GPATCH2: variants seen among roughly 807,000 people sequenced by gnomAD.
GPATCH2 encodes G patch domain-containing protein 2.
Under a neutral mutation model 58.0 loss-of-function variants are expected in GPATCH2, and 51 were observed. The observed-to-expected ratio is 0.88, with a 90% CI of 0.70 to 1.11. GPATCH2 has a LOEUF of 1.11. Among genes scored for constraint, GPATCH2 ranks in the 50% most tolerant of loss-of-function variants. The pLI, the probability that GPATCH2 is intolerant of heterozygous loss-of-function variation, is 0.00. For synonymous variants in GPATCH2, 222 were observed against 218.5 expected (o/e 1.02, Z -0.14); for missense variants, 625 against 652.2 (o/e 0.96, Z 0.45).
chr1:217,523,771 C>T (rs1461103482), intron 5 of GPATCH2, among the ~76,000 whole-genome samples: 2 of 147,662 alleles, frequency 1.4e-5, no homozygotes, highest in East Asian at 2.1e-4. Context: ...CGCCCCTCAC[C>T]TCCCGGACGG....
chr1:217,556,388 A>C (rs1420204348), intron 5 of GPATCH2, among the ~76,000 whole-genome samples: 3 of 152,204 alleles, frequency 2.0e-5, no homozygotes, highest in Non-Finnish European at 4.4e-5. Flanking sequence ...ATTAGTTGTT[A>C]CCACTGGTGT....
At chr1:217,616,447 C>T (rs1023952782) in intron 2 of GPATCH2, among the ~76,000 whole-genome samples, 1 of 152,152 alleles carries the variant, frequency 6.6e-6, no homozygotes, top group Non-Finnish European at 1.5e-5. Flanking sequence ...TCCCTCTCCA[C>T]CTGTCCAAGC....
chr1:217,481,700 TA>T (rs1661219289), intron 8 of GPATCH2, among the ~76,000 whole-genome samples: 1 of 151,800 alleles, frequency 6.6e-6, no homozygotes, highest in African/African-American at 2.4e-5. Flanking sequence ...CTACAAAAAA[TA>T]AAAAAATTAG....
chr1:217,530,089 G>C (rs998823734), intron 5 of GPATCH2, among the ~76,000 whole-genome samples: 2 of 152,184 alleles, frequency 1.3e-5, no homozygotes, highest in African/African-American at 4.8e-5. Flanking sequence ...AAGTAATATG[G>C]AGTCCTAGCA....
At chr1:217,515,157 G>A (rs1210002190) in intron 5 of GPATCH2, among the ~76,000 whole-genome samples, 3 of 150,608 alleles carry the variant, frequency 2.0e-5, no homozygotes, top group South Asian at 2.1e-4. Flanking sequence ...GTGCAGCAGC[G>A]CGATCTCGGC....
chr1:217,493,423 T>C (rs973274037), intron 7 of GPATCH2, among the ~76,000 whole-genome samples: 2 of 152,116 alleles, frequency 1.3e-5, no homozygotes, highest in African/African-American at 4.8e-5. Context: ...ATGCTGTTGC[T>C]CATCTCTGGC....
At chr1:217,463,396 G>A (rs141504212) in intron 8 of GPATCH2, among the ~76,000 whole-genome samples, 38 of 152,084 alleles carry the variant, frequency 2.5e-4, no homozygotes, top group South Asian at 1.5e-3. Context: ...CTGGTATATC[G>A]CATTCAAGGT....
chr1:217,530,688 G>A (rs1444564161), intron 5 of GPATCH2, among the ~76,000 whole-genome samples: 1 of 152,030 alleles, frequency 6.6e-6, no homozygotes, highest in Non-Finnish European at 1.5e-5. Flanking sequence ...CAGAAGTGCA[G>A]ATACATATTT....
chr1:217,603,044 T>C (rs1256977175), intron 5 of GPATCH2, among the ~76,000 whole-genome samples: 4 of 152,156 alleles, frequency 2.6e-5, no homozygotes, highest in Non-Finnish European at 5.9e-5. Flanking sequence ...ATATTATAGA[T>C]ATGTTAATAA....
intron 5 of GPATCH2, among the ~76,000 whole-genome samples, chr1:217,547,567 G>A (rs878930840): frequency 6.6e-6 from 1 of 152,140 alleles, no homozygotes; most frequent in African/African-American, 2.4e-5. Context: ...AAAGACACAT[G>A]CATGCGTATG....
intron 8 of GPATCH2, among the ~76,000 whole-genome samples, chr1:217,487,052 T>TTGTATTTCATATTTTATTCTCCC (rs1170846236): frequency 6.6e-6 from 1 of 152,200 alleles, no homozygotes; most frequent in East Asian, 1.9e-4. Context: ...CAGTACAGAA[T>TTGTATTTCATATTTTATTCTCCC]TGTATTTCAT....
At chr1:217,585,140 C>T (rs1160381889) in intron 5 of GPATCH2, among the ~76,000 whole-genome samples, 1 of 151,970 alleles carries the variant, frequency 6.6e-6, no homozygotes, top group Non-Finnish European at 1.5e-5. Flanking sequence ...TGTTTGGGTA[C>T]TATTTATAAG....
intron 2 of GPATCH2, among the ~76,000 whole-genome samples, chr1:217,616,950 A>G (rs916714309): frequency 8.5e-5 from 13 of 152,126 alleles, no homozygotes; most frequent in African/African-American, 2.9e-4. Flanking sequence ...AATACTCTCA[A>G]ATACTTAGTT....
chr1:217,427,604 T>G lies in GPATCH2; in HGVS notation c.*3541A>C, dbSNP rs375062251. On this transcript the variant is annotated 3_prime_UTR_variant, in exon 10 of 10. Transcript: ENST00000366935. ...CATGACTTTCTACCAAAAGAAAAAA[T>G]AAAAAAAAATATTCTTTGCTAACAA... is the stretch of plus-strand genomic sequence containing the variant. 2.0e-5 allele frequency: 3 copies of G among 151,274 alleles called. No individual in the cohort carries two copies. Among genetic ancestry groups the G allele is most frequent in the Non-Finnish European group, 4.4e-5 (3 of 67,768 alleles). 9.4% of individuals were successfully genotyped at this position (151,274 alleles called of 1,614,324 possible). A position where few individuals can be genotyped will look rare whatever the true frequency, so the allele number is the denominator to read the frequency against.
chr1:217,568,153 C>A (rs999993357), intron 5 of GPATCH2, among the ~76,000 whole-genome samples: 16 of 152,048 alleles, frequency 1.1e-4, no homozygotes, highest in Admixed American at 8.5e-4. Flanking sequence ...AAAACCCCAA[C>A]ATTATTTATA....
intron 6 of GPATCH2, among the ~76,000 whole-genome samples, chr1:217,502,133 A>C (rs1317673587): frequency 6.6e-6 from 1 of 152,090 alleles, no homozygotes; most frequent in Non-Finnish European, 1.5e-5. Flanking sequence ...CTATACAGTA[A>C]GTACTGAAAT....
chr1:217,462,284 C>G (rs1660231203), intron 8 of GPATCH2, among the ~76,000 whole-genome samples: 1 of 152,100 alleles, frequency 6.6e-6, no homozygotes, highest in Non-Finnish European at 1.5e-5. Context: ...GAAAAACATA[C>G]AAGTCCCTAT....
chr1:217,494,108 C>T (rs946749453), intron 7 of GPATCH2, among the ~76,000 whole-genome samples: 5 of 152,152 alleles, frequency 3.3e-5, no homozygotes, highest in Non-Finnish European at 7.3e-5. Context: ...CCTCTCTGAA[C>T]GTTGATGTTA....
At chr1:217,453,681 CA>C (rs1659780471) in intron 8 of GPATCH2, among the ~76,000 whole-genome samples, 1 of 152,024 alleles carries the variant, frequency 6.6e-6, no homozygotes, top group South Asian at 2.1e-4. Context: ...CCAATAAACT[CA>C]AAACAAAAAA....
Sources: allele counts gnomAD v4.1 joint callset (sites outside exome capture counted in the v4.1 genomes callset), GRCh38; gene constraint gnomAD v4.1.1; transcripts MANE v1.5; gene names NCBI Gene and HGNC (gene_info 2026-07-23, HGNC 2026-07-21).